The following PRR16 variants were observed in gnomAD, a reference collection of about 807,000 sequenced individuals.
The protein encoded by PRR16 is proline rich 16.
PRR16 carries 6 observed loss-of-function variants against 18.2 expected under a neutral mutation model. The ratio of observed to expected loss-of-function variants is 0.33; its 90% CI spans 0.18 to 0.65. The LOEUF (loss-of-function observed/expected upper bound fraction) is 0.65. Ranked by LOEUF, PRR16 falls within the 30% of genes least tolerant of loss-of-function variation. The pLI is 0.74. For synonymous variants in PRR16, 151 were observed against 147.8 expected (o/e 1.02, Z -0.16); for missense variants, 412 against 376.6 (o/e 1.09, Z -0.78).
At chr5:120,601,967 C>T (rs1433921136) in intron 1 of PRR16, among the ~76,000 whole-genome samples, 1 of 151,950 alleles carries the variant, frequency 6.6e-6, no homozygotes, top group Non-Finnish European at 1.5e-5. Context: ...GTTACTGTAG[C>T]CTTGTAATAT....
intron 1 of PRR16, among the ~76,000 whole-genome samples, chr5:120,571,759 T>C (rs1260247497): frequency 6.6e-6 from 1 of 152,292 alleles, no homozygotes; most frequent in East Asian, 1.9e-4. Flanking sequence ...ATTGTTGTAT[T>C]ATGTATCACA....
At chr5:120,520,831 A>G (rs903373298) in intron 1 of PRR16, among the ~76,000 whole-genome samples, 1 of 152,158 alleles carries the variant, frequency 6.6e-6, no homozygotes, top group Admixed American at 6.5e-5. Context: ...TCTACCAAAA[A>G]AACTCTTAAA....
At chr5:120,509,988 C>A (rs1052147730) in intron 1 of PRR16, among the ~76,000 whole-genome samples, 1 of 152,074 alleles carries the variant, frequency 6.6e-6, no homozygotes, top group Non-Finnish European at 1.5e-5. Context: ...CTTTACACAT[C>A]CATGTTTGGA....
At chr5:120,711,579 C>T in the PRR16 span, among the ~76,000 whole-genome samples, 2 of 152,154 alleles carry the variant, frequency 1.3e-5, no homozygotes, top group African/African-American at 4.8e-5. Flanking sequence ...CTTTATTACT[C>T]ATAAAACTTA....
intron 1 of PRR16, among the ~76,000 whole-genome samples, chr5:120,663,206 CT>C (rs71702842): frequency 0.11 from 16,255 of 151,420 alleles, 1,143 homozygotes; most frequent in Non-Finnish European, 0.14. Flanking sequence ...TAAAACCCCC[CT>C]TTTTTTTTCC....
At chr5:120,746,799 G>T in the PRR16 span, among the ~76,000 whole-genome samples, 1 of 152,042 alleles carries the variant, frequency 6.6e-6, no homozygotes, top group Non-Finnish European at 1.5e-5. Context: ...TTTTCAGGAA[G>T]GGAGGCGAGG....
the PRR16 span, among the ~76,000 whole-genome samples, chr5:120,697,688 G>T: frequency 6.6e-6 from 1 of 152,004 alleles, no homozygotes; most frequent in Non-Finnish European, 1.5e-5. Context: ...ATAGGATTTG[G>T]GTAGGTAAAG....
At chr5:120,769,925 C>T in the PRR16 span, among the ~76,000 whole-genome samples, 5 of 143,266 alleles carry the variant, frequency 3.5e-5, no homozygotes, top group African/African-American at 1.0e-4. Context: ...GGTGATATTT[C>T]GTTGTACTTT....
intron 1 of PRR16, among the ~76,000 whole-genome samples, chr5:120,684,295 GGT>G (rs999231367): frequency 6.6e-6 from 1 of 152,082 alleles, no homozygotes; most frequent in Non-Finnish European, 1.5e-5. Flanking sequence ...ACTGAGCCCT[GGT>G]GGCCTTTACC....
chr5:120,615,620 T>C (rs546442539), intron 1 of PRR16, among the ~76,000 whole-genome samples: 1 of 152,078 alleles, frequency 6.6e-6, no homozygotes, highest in African/African-American at 2.4e-5. Context: ...TGTTTTTGAT[T>C]GTTGGTCTTG....
chr5:120,525,049 A>G (rs561018114), intron 1 of PRR16, among the ~76,000 whole-genome samples: 14 of 152,128 alleles, frequency 9.2e-5, no homozygotes, highest in African/African-American at 2.9e-4. Context: ...TCTTGAAAAT[A>G]TTTGCCATGA....
intron 1 of PRR16, among the ~76,000 whole-genome samples, chr5:120,485,092 A>C (rs1344017666): frequency 6.6e-6 from 1 of 152,022 alleles, no homozygotes; most frequent in African/African-American, 2.4e-5. Context: ...TAGTGTAATT[A>C]TTTCACATAC....
chr5:120,654,785 G>A (rs965167877), intron 1 of PRR16, among the ~76,000 whole-genome samples: 2 of 151,606 alleles, frequency 1.3e-5, no homozygotes, highest in Non-Finnish European at 2.9e-5. Context: ...TAAAACTTCA[G>A]TAAAAGAGTT....
At chr5:120,666,050 G>A (rs1171938364) in intron 1 of PRR16, among the ~76,000 whole-genome samples, 1 of 152,106 alleles carries the variant, frequency 6.6e-6, no homozygotes, top group Non-Finnish European at 1.5e-5. Context: ...ACCTTGGGCA[G>A]TATGGCCATT....
At chr5:120,505,650 C>T (rs72788225) in intron 1 of PRR16, among the ~76,000 whole-genome samples, 3,498 of 152,214 alleles carry the variant, frequency 0.023, 53 homozygotes, top group South Asian at 0.034. Context: ...TGGGATTTTA[C>T]ACTTTTATTT....
chr5:120,752,106 A>G, the PRR16 span, among the ~76,000 whole-genome samples: 1 of 152,112 alleles, frequency 6.6e-6, no homozygotes, highest in African/African-American at 2.4e-5. Flanking sequence ...ACAGTCATAC[A>G]CAGTTATACA....
chr5:120,499,591 A>G (rs1004324514), intron 1 of PRR16, among the ~76,000 whole-genome samples: 15 of 151,812 alleles, frequency 9.9e-5, no homozygotes, highest in Admixed American at 8.5e-4. Flanking sequence ...CACCACTATA[A>G]CTTACATTTG....
chr5:120,542,783 T>C (rs1751955885), intron 1 of PRR16, among the ~76,000 whole-genome samples: 1 of 152,150 alleles, frequency 6.6e-6, no homozygotes, highest in South Asian at 2.1e-4. Flanking sequence ...AAATGTTCTT[T>C]GAAGGTGGAT....
the PRR16 span, among the ~76,000 whole-genome samples, chr5:120,778,902 G>A: frequency 6.6e-6 from 1 of 152,132 alleles, no homozygotes; most frequent in African/African-American, 2.4e-5. Context: ...AGAGAGGGAA[G>A]TATTGTTATT....
Sources: allele counts gnomAD v4.1 joint callset (sites outside exome capture counted in the v4.1 genomes callset), GRCh38; gene constraint gnomAD v4.1.1; transcripts MANE v1.5; gene names NCBI Gene and HGNC (gene_info 2026-07-23, HGNC 2026-07-21).